The following INPP5A variants were observed in gnomAD, a reference collection of about 807,000 sequenced individuals.
INPP5A encodes the protein inositol polyphosphate-5-phosphatase A, also known as 43 kDa inositol polyphosphate 5-phophatase.
A neutral mutation model predicts 65.2 loss-of-function variants in INPP5A; 14 were observed. That is an observed-to-expected ratio of 0.21 (90% CI 0.14 to 0.34). The LOEUF (loss-of-function observed/expected upper bound fraction) is 0.34. Among genes scored for constraint, INPP5A ranks in the 10% least tolerant of loss-of-function variants. INPP5A has a pLI of 1.00. For missense variants in INPP5A, 431 were observed against 545.6 expected (o/e 0.79, Z 2.09); for synonymous variants, 207 against 208.3 (o/e 0.99, Z 0.05).
chr10:132,703,861 CCA>C (rs1382747964), intron 6 of INPP5A, among the ~76,000 whole-genome samples: 1 of 78,942 alleles, frequency 1.3e-5, no homozygotes. Context: ...CAAGCTTCAC[CCA>C]CACACACACG....
In INPP5A at chr10:132,537,854, G is replaced by C. The variant is rs2070858035; in HGVS notation, c.-243G>C. On this transcript the variant is annotated 5_prime_UTR_variant, in exon 1 of 16. Transcript: ENST00000368594. The stretch of plus-strand genomic sequence containing the variant: ...CCAGCGGATCTAATGGCTGCGCGCG[G>C]GCCGCTGTGAGGCGCGGCGGCGAGC... The C allele has an allele frequency of 8.3e-6, 3 of 361,600 alleles. No individual in the cohort carries two copies. The highest frequency in any genetic ancestry group is 4.0e-5 in the East Asian group (1 of 25,024). 22.4% of individuals were successfully genotyped at this position (361,600 alleles called of 1,614,324 possible).
intron 3 of INPP5A, among the ~76,000 whole-genome samples, 196 bp downstream of exon 3, chr10:132,646,164 G>T (rs2072491498): frequency 6.6e-6 from 1 of 152,198 alleles, no homozygotes; most frequent in Admixed American, 6.5e-5. Flanking sequence ...GGCGGCGACA[G>T]AAGGCCACGG....
At chr10:132,664,325 C>G (rs1229632452) in intron 4 of INPP5A, among the ~76,000 whole-genome samples, 1 of 152,214 alleles carries the variant, frequency 6.6e-6, no homozygotes, top group Non-Finnish European at 1.5e-5. Context: ...ATATTTTCTC[C>G]AAAGCCCGTC....
rs544521546 is a variant in INPP5A, at chr10:132,679,089, C to T, written c.307-11303C>T. ...CATGTGGAAAAGGCCACCTTGGTGC[C>T]CGGTGGAGAAGAGACCAAGGGGGCT... On this transcript the variant is annotated intron_variant, in intron 4 of 15. Transcript: ENST00000368594. Among the ~76,000 whole-genome samples the T allele has an allele frequency of 1.9e-4, 29 of 152,250 alleles. 1 individual carries two copies. Among genetic ancestry groups the T allele is most frequent in the Middle Eastern group, 3.4e-3 (1 of 294 alleles).
intron 6 of INPP5A, among the ~76,000 whole-genome samples, chr10:132,700,665 C>T (rs1403547587): frequency 6.6e-6 from 1 of 152,222 alleles, no homozygotes; most frequent in Non-Finnish European, 1.5e-5. Flanking sequence ...CCCTCTGTGC[C>T]TCTGCACCCG....
chr10:132,601,136 A>T (rs2071771599), intron 1 of INPP5A, among the ~76,000 whole-genome samples: 1 of 152,170 alleles, frequency 6.6e-6, no homozygotes, highest in East Asian at 1.9e-4. Context: ...TCTCATCCCA[A>T]CACTTATTAT....
chr10:132,739,166 C>T (rs565276869), intron 9 of INPP5A, among the ~76,000 whole-genome samples: 5 of 152,350 alleles, frequency 3.3e-5, no homozygotes, highest in South Asian at 4.1e-4. Flanking sequence ...TCTCTGTGTT[C>T]GGTGCCCACT....
intron 8 of INPP5A, among the ~76,000 whole-genome samples, chr10:132,712,196 T>C (rs1284745592): frequency 6.6e-6 from 1 of 152,206 alleles, no homozygotes; most frequent in African/African-American, 2.4e-5. Flanking sequence ...TCAGTGTGCA[T>C]GTGTGTGCCT....
In INPP5A at chr10:132,764,977, C is replaced by T. The variant is rs61860767; in HGVS notation, c.904-796C>T. 7.4e-3 allele frequency among the ~76,000 whole-genome samples: 408 copies of T among 54,796 alleles called. 7 individuals carry two copies. The East Asian group carries it at 0.093, about 12-fold the overall frequency. 35.9% of individuals were successfully genotyped at this position (54,796 alleles called of 152,430 possible). A position where few individuals can be genotyped will look rare whatever the true frequency, so the allele number is the denominator to read the frequency against. ...GAACACGGTCGGGTCAGTCCTGCTG[C>T]GGTGGGAGGGTGTGCGTGGTGACAC... On this transcript the variant is annotated intron_variant, in intron 11 of 15. Coordinates refer to ENST00000368594, the MANE Select transcript of INPP5A (RefSeq NM_005539.5).
chr10:132,574,403 G>T (rs181177520), intron 1 of INPP5A, among the ~76,000 whole-genome samples: 72 of 150,614 alleles, frequency 4.8e-4, no homozygotes, highest in African/African-American at 1.6e-3. Context: ...TGTGTCCTGT[G>T]TGAGGTTTTG....
In INPP5A at chr10:132,749,533, C is replaced by G; in HGVS notation, c.749C>G (p.Ala250Gly). 1 of 1,612,970 alleles carries G rather than the reference C, an allele frequency of 6.2e-7. No individual in the cohort carries two copies. Among genetic ancestry groups the G allele is most frequent in the Non-Finnish European group, 8.5e-7 (1 of 1,180,000 alleles). The change falls in exon 10 of 16, where the codon GCC becomes GGC. Residue 250 changes from alanine to glycine, a missense_variant. Physicochemically the swap from Ala to Gly is moderately conservative, Grantham distance 60. Coordinates refer to ENST00000368594, the MANE Select transcript of INPP5A (RefSeq NM_005539.5). The stretch of plus-strand genomic sequence containing the variant: ...TTTCTGCAGACGCTCTGCACAAAAG[C>G]CACCATGCAGACGGTCCGGGCCGCC... ...KSVVETLCTK[A>G]TMQTVRAADT...
chr10:132,610,311 G>A (rs2071926408), intron 2 of INPP5A, among the ~76,000 whole-genome samples: 3 of 151,562 alleles, frequency 2.0e-5, no homozygotes. Flanking sequence ...GTGGCCCCCC[G>A]AATCCTGGGT....
intron 2 of INPP5A, among the ~76,000 whole-genome samples, chr10:132,613,683 C>T (rs2133351197): frequency 6.6e-6 from 1 of 152,346 alleles, no homozygotes; most frequent in South Asian, 2.1e-4. Context: ...TTTAGCCTGA[C>T]TTTGTTTCTT....
intron 6 of INPP5A, among the ~76,000 whole-genome samples, chr10:132,702,586 G>T (rs1038113349): frequency 6.6e-6 from 1 of 152,200 alleles, no homozygotes; most frequent in Non-Finnish European, 1.5e-5. Flanking sequence ...TCAGTTTGGG[G>T]TCTCTGCTGT....
chr10:132,741,038 G>T lies in INPP5A; in HGVS notation c.733-8479G>T, dbSNP rs879338022. 6.6e-6 allele frequency among the ~76,000 whole-genome samples: 1 copy of T among 152,122 alleles called. No individual in the cohort carries two copies. Among genetic ancestry groups the T allele is most frequent in the Non-Finnish European group, 1.5e-5 (1 of 68,026 alleles). On this transcript the variant is annotated intron_variant, in intron 9 of 15. Transcript: ENST00000368594. This position sits in a 1 kb window ranked among gnomAD's most constrained non-coding sequence, Gnocchi z 4.4. ...AGCCCAGGAATTCAAGACCAGCCTG[G>T]GCAACATAGGGAGTCCCCGTCTCTA...
At chr10:132,615,425 C>T (rs187003351) in intron 2 of INPP5A, among the ~76,000 whole-genome samples, 9 of 152,226 alleles carry the variant, frequency 5.9e-5, no homozygotes, top group Admixed American at 1.3e-4. Context: ...TCTGGCCCAC[C>T]GAGTTTCCTT....
chr10:132,653,379 C>T (rs1351100769), intron 4 of INPP5A, among the ~76,000 whole-genome samples: 1 of 152,134 alleles, frequency 6.6e-6, no homozygotes, highest in Non-Finnish European at 1.5e-5. Context: ...GCGGCCTGTG[C>T]TTAAGGGCTC....
intron 4 of INPP5A, among the ~76,000 whole-genome samples, chr10:132,685,769 C>A (rs2073107559): frequency 6.6e-6 from 1 of 152,150 alleles, no homozygotes; most frequent in African/African-American, 2.4e-5. Flanking sequence ...TGCCGGGACG[C>A]GTTGTTCTTT....
intron 1 of INPP5A, among the ~76,000 whole-genome samples, chr10:132,596,827 G>T (rs1182320892): frequency 6.7e-6 from 1 of 149,830 alleles, no homozygotes; most frequent in Non-Finnish European, 1.5e-5. Flanking sequence ...CCATGTGTTT[G>T]CTTGTGTGCG....
Sources: allele counts gnomAD v4.1 joint callset (sites outside exome capture counted in the v4.1 genomes callset), GRCh38; gene constraint gnomAD v4.1.1; non-coding constraint Gnocchi (gnomAD v3.1); transcripts MANE v1.5; gene names NCBI Gene and HGNC (gene_info 2026-07-23, HGNC 2026-07-21).